The following PCNX2 variants were observed in gnomAD, a reference collection of about 807,000 sequenced individuals.
PCNX2 encodes pecanex 2, also known as pecanex-like protein 2.
PCNX2 carries 168 observed loss-of-function variants against 223.8 expected under a neutral mutation model. The ratio of observed to expected loss-of-function variants is 0.75; its 90% confidence interval spans 0.66 to 0.85. The LOEUF (loss-of-function observed/expected upper bound fraction) is 0.85, where lower values mean the gene tolerates loss of function less well. Ranked by LOEUF, PCNX2 falls within the 40% of genes least tolerant of loss-of-function variation. PCNX2 has a pLI of 0.00. For synonymous variants in PCNX2, 1,006 were observed against 1,052.6 expected, an observed-to-expected ratio of 0.96 and a Z score of 0.86; for missense variants, 2,507 against 2,675.5, an observed-to-expected ratio of 0.94 and a Z score of 1.39.
At chr1:233,052,860 C>A (rs992534514) in intron 25 of PCNX2, among the ~76,000 whole-genome samples, 2 of 152,028 alleles carry the variant, frequency 1.3e-5, no homozygotes, top group Non-Finnish European at 2.9e-5. Context: ...CACACCTCTG[C>A]CCATGCAGAC....
chr1:233,276,653 T>C (rs893631115), intron 1 of PCNX2, among the ~76,000 whole-genome samples: 1 of 152,208 alleles, frequency 6.6e-6, no homozygotes, highest in Non-Finnish European at 1.5e-5. Context: ...GAGCTCGCGA[T>C]TTCCCTTCTA....
the PCNX2 span, among the ~76,000 whole-genome samples, chr1:233,319,769 T>C: frequency 6.6e-6 from 1 of 152,242 alleles, no homozygotes; most frequent in African/African-American, 2.4e-5. Context: ...CAAAGAGTTT[T>C]TGTGTATGTG....
At chr1:233,260,576 G>C (rs1401404315) in intron 4 of PCNX2, among the ~76,000 whole-genome samples, 5 of 152,068 alleles carry the variant, frequency 3.3e-5, no homozygotes, top group Non-Finnish European at 7.4e-5. Context: ...GTTATAATGG[G>C]ATACAACTGA....
intron 17 of PCNX2, among the ~76,000 whole-genome samples, chr1:233,174,431 T>C (rs903664295): frequency 6.6e-6 from 1 of 150,688 alleles, no homozygotes; most frequent in Non-Finnish European, 1.5e-5. Context: ...TCCGTGCATG[T>C]TTAACTAAGA....
At chr1:233,150,931 T>A (rs896393618) in intron 19 of PCNX2, among the ~76,000 whole-genome samples, 2 of 152,136 alleles carry the variant, frequency 1.3e-5, no homozygotes, top group African/African-American at 4.8e-5. Flanking sequence ...CACTTGTACC[T>A]TTTTCACATG....
intron 12 of PCNX2, 120 bp from the exon 13 acceptor site, chr1:233,208,809 ACAC>A (rs1445990870): frequency 2.9e-5 from 11 of 380,270 alleles, no homozygotes; most frequent in African/African-American, 1.8e-4. Context: ...TTTCCCCCAA[ACAC>A]CACAATTCAT....
chr1:233,136,718 A>G (rs1314557639), intron 20 of PCNX2, among the ~76,000 whole-genome samples: 1 of 152,224 alleles, frequency 6.6e-6, no homozygotes, highest in Admixed American at 6.5e-5. Context: ...TACAGTATGA[A>G]AAGATGACGT....
chr1:233,207,021 G>A (rs1017580202), intron 13 of PCNX2, among the ~76,000 whole-genome samples: 1 of 127,036 alleles, frequency 7.9e-6, no homozygotes, highest in Non-Finnish European at 1.7e-5. Context: ...AAAAAAAAAA[G>A]AAGAAGAAGA....
Position 233,252,782 on chromosome 1 carries a change from C to G in PCNX2, c.1841G>C (p.Cys614Ser). ...NEESGLLRDN[C>S]SQEKKEEILE... ...GATTTCCTCCTTTTTTTCCTGGGAA[C>G]AGTTATCTGAAAAACATTGCTTTAC... Residue 614 changes from cysteine (C) to serine (S), a missense_variant, in exon 6 of 34, where the codon TGT (cysteine) becomes TCT (serine). Physicochemically the swap from Cys to Ser is moderately radical, Grantham distance 112. This residue lies in a region of PCNX2 where 1,031 missense variants were observed against 1,021.7 expected (regional missense o/e 1.01). Coordinates refer to ENST00000258229, the MANE Select transcript of PCNX2 (RefSeq NM_014801.4). 1 of 1,606,304 alleles carries G rather than the reference C, an allele frequency of 6.2e-7. No individual in the cohort carries two copies. Among genetic ancestry groups the G allele is most frequent in the Non-Finnish European group, 8.5e-7 (1 of 1,178,000 alleles).
intron 2 of PCNX2, 124 bp downstream of exon 2, chr1:233,262,834 T>C: frequency 2.3e-6 from 2 of 859,690 alleles, no homozygotes; most frequent in East Asian, 2.6e-5. Flanking sequence ...TGCTGAAATA[T>C]AAGAAAAATG....
Position 233,001,173 on chromosome 1 carries a change from T to C in PCNX2, c.5097+364A>G, listed in dbSNP as rs1170270567. Among the ~76,000 whole-genome samples, 2 of 152,102 alleles carry C rather than the reference T, an allele frequency of 1.3e-5. No individual in the cohort carries two copies. The highest frequency in any genetic ancestry group is 2.9e-5 in the Non-Finnish European group (2 of 68,012). On this transcript the variant is annotated intron_variant, in intron 29 of 33. Coordinates refer to ENST00000258229, the MANE Select transcript of PCNX2 (RefSeq NM_014801.4). This position sits in a 1 kb window ranked among gnomAD's most constrained non-coding sequence, Gnocchi z 4.2. The stretch of plus-strand genomic sequence containing the variant: ...CTTAACCTCCCGAGTAGCTGAGCGA[T>C]AGTTTTTTCTAAAAAAATAGGTTTG...
At chr1:233,143,718 C>A (rs58892708) in intron 19 of PCNX2, among the ~76,000 whole-genome samples, 1,687 of 152,274 alleles carry the variant, frequency 0.011, 36 homozygotes, top group African/African-American at 0.038. Context: ...TCACTCTCTG[C>A]ATGTCTATCC....
chr1:233,124,564 T>C lies in PCNX2; in HGVS notation c.3837+10449A>G, dbSNP rs75691489. Among the ~76,000 whole-genome samples, 6 of 152,324 alleles carry C rather than the reference T, an allele frequency of 3.9e-5. No individual in the cohort carries two copies. The East Asian group carries it at 1.2e-3, about 29-fold the overall frequency. ...CTGTGAAGCAGGTGGATGCAGATGT[T>C]ACCATCCAGAAACTTGGAGGAAGCA... is the stretch of plus-strand genomic sequence containing the variant. On this transcript the variant is annotated intron_variant, in intron 21 of 33. Coordinates refer to ENST00000258229, the MANE Select transcript of PCNX2 (RefSeq NM_014801.4).
At chr1:233,214,862 A>G (rs1349412646) in intron 12 of PCNX2, among the ~76,000 whole-genome samples, 1 of 152,184 alleles carries the variant, frequency 6.6e-6, no homozygotes, top group African/African-American at 2.4e-5. Flanking sequence ...TTCATTCTGC[A>G]TTTAAAATTG....
chr1:233,058,665 CTTTTTT>C, intron 23 of PCNX2: 3 of 118,532 alleles, frequency 2.5e-5, no homozygotes, highest in Non-Finnish European at 5.1e-5. Flanking sequence ...CTTTTCTTTT[CTTTTTT>C]TTTTTTTTTT....
At chr1:233,288,407 T>C (rs1661564775) in intron 1 of PCNX2, among the ~76,000 whole-genome samples, 1 of 152,022 alleles carries the variant, frequency 6.6e-6, no homozygotes, top group Non-Finnish European at 1.5e-5. Flanking sequence ...GCAGGAGACA[T>C]AAGTTTAACT....
intron 19 of PCNX2, among the ~76,000 whole-genome samples, chr1:233,152,084 G>A (rs1405068836): frequency 1.3e-5 from 2 of 152,180 alleles, no homozygotes; most frequent in African/African-American, 4.8e-5. Context: ...GTTTCCCAGT[G>A]GACCAGAGGA....
chr1:233,150,854 A>G (rs933614547), intron 19 of PCNX2, among the ~76,000 whole-genome samples: 9 of 152,120 alleles, frequency 5.9e-5, no homozygotes, highest in South Asian at 2.1e-4. Flanking sequence ...TCTCTTCTTG[A>G]CAGAAAGGTC....
intron 20 of PCNX2, among the ~76,000 whole-genome samples, chr1:233,136,050 A>G (rs1676784450): frequency 6.6e-6 from 1 of 152,220 alleles, no homozygotes; most frequent in Non-Finnish European, 1.5e-5. Context: ...TGAACAATCC[A>G]TCTTGAGATT....
Sources: gnomAD v4.1 joint callset for allele counts (sites outside exome capture counted in the v4.1 genomes callset) on GRCh38, gnomAD v4.1.1 for gene constraint, gnomAD v4.1.1 regional missense constraint, Gnocchi (gnomAD v3.1) non-coding constraint, MANE v1.5 for transcripts, NCBI Gene and HGNC (gene_info 2026-07-23, HGNC 2026-07-21) for gene names.